Variants in NBPF19 observed in about 807,000 individuals in gnomAD.
NBPF19 encodes the protein NBPF family member NBPF19.
A neutral mutation model predicts 45.9 loss-of-function variants in NBPF19; 30 were observed. The observed-to-expected ratio is 0.65, with a 90% CI of 0.49 to 0.89. NBPF19 has a LOEUF of 0.89. Among genes scored for constraint, NBPF19 ranks in the 40% least tolerant of loss-of-function variants. The pLI is 0.00. For synonymous variants in NBPF19, 183 were observed against 181.2 expected, an observed-to-expected ratio of 1.01 and a Z score of -0.08; for missense variants, 495 against 471.8, an observed-to-expected ratio of 1.05 and a Z score of -0.46.
At chr1:149,484,467 G>A (rs1229392986) in intron 7 of NBPF19, among the ~76,000 whole-genome samples, 2 of 144,504 alleles carry the variant, frequency 1.4e-5, no homozygotes, top group Non-Finnish European at 3.0e-5. Flanking sequence ...TGCACGTTGT[G>A]CACATGTACC....
Position 149,554,835 on chromosome 1 carries a change from A to T in NBPF19, c.*97A>T, listed in dbSNP as rs1429965630. 4.4e-6 allele frequency: 7 copies of T among 1,584,178 alleles called. No individual in the cohort carries two copies. In the Admixed American group the frequency reaches 5.1e-5, roughly 12 times the overall value. On this transcript the variant is annotated 3_prime_UTR_variant, in exon 94 of 94. Coordinates refer to ENST00000651566, the MANE Select transcript of NBPF19 (RefSeq NM_001351365.2). ...ACTACAGTTCCATTTGGAAGCCCAG[A>T]CATAGGATGGGTCAGTGGGCATGGC...
chr1:149,477,645 C>T (rs1445994860), intron 2 of NBPF19, among the ~76,000 whole-genome samples: 8 of 151,314 alleles, frequency 5.3e-5, no homozygotes, highest in African/African-American at 1.9e-4. Context: ...GGGAAAGTGG[C>T]CCCGCATTCA....
At chr1:149,487,907 C>T in intron 9 of NBPF19, 106 bp from the exon 10 acceptor site, 3 of 736,836 alleles carry the variant, frequency 4.1e-6, no homozygotes, top group Non-Finnish European at 7.4e-6. Flanking sequence ...ATGGATCTCT[C>T]CTTTTTCTTT....
At chr1:149,554,448 T>C in intron 93 of NBPF19, 47 bp from the exon 94 acceptor site, 1 of 1,608,096 alleles carries the variant, frequency 6.2e-7, no homozygotes, top group Non-Finnish European at 8.5e-7. Context: ...GGCTCTGTGG[T>C]GTCTGATTTT....
chr1:149,554,455 T>G, intron 93 of NBPF19, 40 bp from the exon 94 acceptor site: 1 of 1,608,172 alleles, frequency 6.2e-7, no homozygotes, highest in Non-Finnish European at 8.5e-7. Flanking sequence ...TGGTGTCTGA[T>G]TTTCCCTGGC....
In NBPF19 at chr1:149,556,071, C is replaced by G; in HGVS notation, c.*1333C>G. The stretch of plus-strand genomic sequence containing the variant: ...TCTAAACATTTTATCATTTATTAAT[C>G]CTCCCTGCCTGTGTCTATTATTATA... On this transcript the variant is annotated 3_prime_UTR_variant, in exon 94 of 94. Coordinates refer to ENST00000651566, the MANE Select transcript of NBPF19 (RefSeq NM_001351365.2). The G allele has an allele frequency of 6.8e-6, 1 of 146,700 alleles. No individual in the cohort carries two copies. The highest frequency in any genetic ancestry group is 2.0e-4 in the East Asian group (1 of 4,980). The allele number at this position is 146,700 out of a possible 1,614,324, so 9.1% of individuals were successfully genotyped here.
intron 7 of NBPF19, among the ~76,000 whole-genome samples, chr1:149,482,700 C>T (rs1368031402): frequency 6.6e-6 from 1 of 152,034 alleles, no homozygotes; most frequent in Non-Finnish European, 1.5e-5. Flanking sequence ...CTACACATTG[C>T]TTTAAATGTG....
In NBPF19 at chr1:149,555,052, C is replaced by T. The variant is rs1483754225; in HGVS notation, c.*314C>T. ...CAGGGATTTCATTTTGCAGGCATGT[C>T]TCTGAGCTTCTATACCTGCTCAAGG... On this transcript the variant is annotated 3_prime_UTR_variant, in exon 94 of 94. Transcript: ENST00000651566. The T allele has an allele frequency of 2.5e-5, 11 of 434,592 alleles. No individual in the cohort carries two copies. The highest frequency in any genetic ancestry group is 2.0e-4 in the African/African-American group (10 of 49,662). The allele number at this position is 434,592 out of a possible 1,614,324, so 26.9% of individuals were successfully genotyped here.
At chr1:149,487,297 T>C in intron 8 of NBPF19, 35 bp from the exon 9 acceptor site, 13 of 1,511,088 alleles carry the variant, frequency 8.6e-6, no homozygotes, top group Non-Finnish European at 1.2e-5. Flanking sequence ...AAGGAAGAAC[T>C]TAATGTAAGA....
intron 17 of NBPF19, among the ~76,000 whole-genome samples, chr1:149,494,019 A>C (rs1218721312): frequency 6.0e-5 from 6 of 100,712 alleles, no homozygotes; most frequent in African/African-American, 3.2e-4. Flanking sequence ...GTGTGTCCCG[A>C]GGGCACTAAC....
intron 49 of NBPF19, among the ~76,000 whole-genome samples, chr1:149,519,443 CTCTG>C (rs1446567691): frequency 7.1e-5 from 1 of 14,144 alleles, no homozygotes; most frequent in Non-Finnish European, 1.3e-4. Context: ...CTCTCTCTCT[CTCTG>C]TGTGTGTGTG....
chr1:149,476,620 A>G (rs1310184857), intron 2 of NBPF19, among the ~76,000 whole-genome samples: 1 of 106,234 alleles, frequency 9.4e-6, no homozygotes, highest in Non-Finnish European at 2.0e-5. Flanking sequence ...AACCTGTGCT[A>G]TCTATAAGTG....
At chr1:149,486,814 C>T (rs1325304128) in intron 8 of NBPF19, among the ~76,000 whole-genome samples, 3 of 150,482 alleles carry the variant, frequency 2.0e-5, no homozygotes, top group African/African-American at 7.3e-5. Context: ...CTCATCTGTC[C>T]GTCATGTTCC....
chr1:149,478,167 A>G (rs1307583571), intron 3 of NBPF19, 120 bp downstream of exon 3: 41,016 of 799,940 alleles, frequency 0.051, 2,700 homozygotes, highest in African/African-American at 0.068. Flanking sequence ...AATTGCCATG[A>G]CAGGCTCATG....
At chr1:149,486,999 A>G (rs1424805188) in intron 8 of NBPF19, among the ~76,000 whole-genome samples, 1 of 150,704 alleles carries the variant, frequency 6.6e-6, no homozygotes, top group Non-Finnish European at 1.5e-5. Flanking sequence ...TTGATGAGAG[A>G]AAGCTTAATA....
At chr1:149,477,859 G>A in intron 2 of NBPF19, 86 bp from the exon 3 acceptor site, 3 of 790,214 alleles carry the variant, frequency 3.8e-6, no homozygotes, top group Non-Finnish European at 6.5e-6. Flanking sequence ...TTGTCCTTGG[G>A]ATGGACCTGG....
chr1:149,528,945 C>A (rs1385181741), intron 61 of NBPF19, among the ~76,000 whole-genome samples: 7 of 109,082 alleles, frequency 6.4e-5, no homozygotes, highest in African/African-American at 2.2e-4. Context: ...TTCTCTCTCT[C>A]TGTGTGTGTG....
chr1:149,521,104 G>C (rs1396747502), intron 51 of NBPF19, among the ~76,000 whole-genome samples: 15 of 78,938 alleles, frequency 1.9e-4, no homozygotes, highest in South Asian at 3.6e-4. Context: ...CTCTGTCTCT[G>C]TCTCTCTCTC....
At chr1:149,490,895 T>C (rs1301088777) in intron 13 of NBPF19, among the ~76,000 whole-genome samples, 2 of 129,590 alleles carry the variant, frequency 1.5e-5, no homozygotes, top group African/African-American at 3.1e-5. Context: ...TCTCTCTCTC[T>C]CTCTGTGTGT....
Sources: gnomAD v4.1 joint callset for allele counts (sites outside exome capture counted in the v4.1 genomes callset) on GRCh38, gnomAD v4.1.1 for gene constraint, MANE v1.5 for transcripts, NCBI Gene and HGNC (gene_info 2026-07-23, HGNC 2026-07-21) for gene names.